Variants in SAMHD1 observed in about 807,000 individuals in gnomAD.
The protein encoded by SAMHD1 is SAM and HD domain containing deoxynucleoside triphosphate triphosphohydrolase 1.
A neutral mutation model predicts 79.6 loss-of-function variants in SAMHD1; 54 were observed. The observed-to-expected ratio is 0.68, with a 90% confidence interval of 0.55 to 0.85. The LOEUF (loss-of-function observed/expected upper bound fraction) is 0.85. Among genes scored for constraint, SAMHD1 ranks in the 40% least tolerant of loss-of-function variants. The probability of loss-of-function intolerance (pLI) is 0.00; values close to 1 mark genes in which losing one functional copy is unlikely to be tolerated. For synonymous variants in SAMHD1, 260 were observed against 264.1 expected (o/e 0.98, Z 0.15); for missense variants, 663 against 782.7 (o/e 0.85, Z 1.82).
chr20:36,915,469 G>A lies in SAMHD1; in HGVS notation c.1062+1253C>T, dbSNP rs545029384. ...AGTTATATGCAGGCCAGGTACAGTG[G>A]CTTACACCTATAATGCCAGCACTTT... On this transcript the variant is annotated intron_variant, in intron 9 of 15. Transcript: ENST00000646673. 4.6e-5 allele frequency among the ~76,000 whole-genome samples: 7 copies of A among 152,278 alleles called. No individual in the cohort carries two copies. The East Asian group carries it at 1.3e-3, about 29-fold the overall frequency.
At position 36,897,939 on chromosome 20, in the gene SAMHD1, C is replaced by T. The variant is rs1601112678; in HGVS notation, c.1629G>A (p.Glu543=). ...CTCGAATCAGCTGCTCTGCAAATTT[C>T]TCTGGCAGAAGTTGTGAAACCTTTT... ...TKNQVSQLLP[E]KFAEQLIRVY... is the part of the protein sequence containing the mutation. Residue 543 remains glutamate (E), a synonymous_variant, in exon 15 of 16, where the codon GAG becomes GAA. Coordinates refer to ENST00000646673, the MANE Select transcript of SAMHD1 (RefSeq NM_015474.4). 4 of 1,614,218 alleles carry T rather than the reference C, an allele frequency of 2.5e-6. No individual in the cohort carries two copies. Among genetic ancestry groups the T allele is most frequent in the Non-Finnish European group, 3.4e-6 (4 of 1,180,054 alleles).
intron 11 of SAMHD1, among the ~76,000 whole-genome samples, chr20:36,910,152 G>A (rs1202661157): frequency 1.3e-5 from 2 of 151,774 alleles, no homozygotes; most frequent in Admixed American, 1.3e-4. Context: ...GAACCCGGGA[G>A]GCAGAGCTTG....
intron 3 of SAMHD1, among the ~76,000 whole-genome samples, chr20:36,935,997 C>A (rs972670059): frequency 6.6e-6 from 1 of 151,956 alleles, no homozygotes; most frequent in Admixed American, 6.6e-5. Context: ...TCATGCAGGT[C>A]CGAGTGCAGG....
Position 36,946,916 on chromosome 20 carries a change from G to T in SAMHD1, c.209-112C>A, listed in dbSNP as rs751257488. On this transcript the variant is annotated intron_variant, in intron 1 of 15. Transcript: ENST00000646673. Reference sequence around the variant, plus strand: ...CCACATAAGTGAGTACCCACTGCAGGCAATGGATTGTGCCAAGTACCACTT... The same window carrying T: ...CCACATAAGTGAGTACCCACTGCAGTCAATGGATTGTGCCAAGTACCACTT... The T allele has an allele frequency of 4.0e-5, 31 of 774,046 alleles. 1 individual carries two copies. The Middle Eastern group carries it at 1.3e-3, about 34-fold the overall frequency. 47.9% of individuals were successfully genotyped at this position (774,046 alleles called of 1,614,324 possible).
At chr20:36,936,526 T>C (rs1373741942) in intron 3 of SAMHD1, among the ~76,000 whole-genome samples, 1 of 151,886 alleles carries the variant, frequency 6.6e-6, no homozygotes, top group African/African-American at 2.4e-5. Flanking sequence ...TCTTGCTATA[T>C]TGCCCAGGCT....
intron 3 of SAMHD1, chr20:36,935,548 T>A: frequency 3.2e-6 from 1 of 310,166 alleles, no homozygotes; most frequent in Non-Finnish European, 6.2e-6. Context: ...ATGTAACCCA[T>A]ATCACTATAG....
intron 15 of SAMHD1, among the ~76,000 whole-genome samples, chr20:36,895,498 AATT>A (rs1568758061): frequency 2.0e-5 from 3 of 152,018 alleles, no homozygotes; most frequent in East Asian, 1.9e-4. Flanking sequence ...AATTAATAAT[AATT>A]ATTATTATCC....
At chr20:36,945,713 C>T (rs6030348) in intron 2 of SAMHD1, among the ~76,000 whole-genome samples, 144 of 152,016 alleles carry the variant, frequency 9.5e-4, no homozygotes, top group African/African-American at 3.3e-3. Flanking sequence ...GAGTTCGAGA[C>T]CAGCCTGGCC....
chr20:36,915,031 A>G (rs899214630), intron 9 of SAMHD1, among the ~76,000 whole-genome samples: 3 of 151,898 alleles, frequency 2.0e-5, no homozygotes, highest in African/African-American at 7.3e-5. Flanking sequence ...AAAAAAGAAT[A>G]TGGTATATGA....
rs1053324143 is a variant in SAMHD1 at position 36,930,775 on chromosome 20, G to A, written c.610C>T (p.Leu204Phe). The A allele has an allele frequency of 5.6e-6, 9 of 1,612,064 alleles. No individual in the cohort carries two copies. The highest frequency in any genetic ancestry group is 7.6e-6 in the Non-Finnish European group (9 of 1,178,472). ...TACAGCTTACCGAGATCATGACAAA[G>A]TCCAGCAATCTGAACACAGAGAACA... ...RDVLCVQIAG[L>F]CHDLGHGPFS... is the part of the protein sequence containing the mutation. Residue 204 changes from leucine (L) to phenylalanine (F), a missense_variant, in exon 5 of 16, where the codon CTT (leucine) becomes TTT (phenylalanine). By Grantham distance (22) the Leu-to-Phe change is conservative (BLOSUM62 0). Coordinates refer to ENST00000646673, the MANE Select transcript of SAMHD1 (RefSeq NM_015474.4).
chr20:36,903,480 C>T (rs990603563), intron 13 of SAMHD1, among the ~76,000 whole-genome samples: 1 of 151,172 alleles, frequency 6.6e-6, no homozygotes, highest in African/African-American at 2.4e-5. Flanking sequence ...ACTTTGTGAT[C>T]GACCCGCCTC....
chr20:36,939,970 C>T (rs995922694), intron 3 of SAMHD1, among the ~76,000 whole-genome samples: 9 of 152,092 alleles, frequency 5.9e-5, no homozygotes, highest in Admixed American at 4.6e-4. Flanking sequence ...TTTGGCAGGA[C>T]GAGGTGGGTG....
chr20:36,945,531 A>T (rs575605106), intron 2 of SAMHD1, among the ~76,000 whole-genome samples: 2 of 152,282 alleles, frequency 1.3e-5, no homozygotes, highest in Admixed American at 1.3e-4. Flanking sequence ...TCTGAACTTG[A>T]GAGTAAAAAG....
rs190777284 is a variant in SAMHD1, at chr20:36,925,275, G to T, written c.696+1907C>A. ...TGCTTAAAGGAATAGATTTGGTAAT[G>T]ATTGAGAAGATCCTATTAGATCAAC... On this transcript the variant is annotated intron_variant, in intron 6 of 15. Transcript: ENST00000646673. Among the ~76,000 whole-genome samples, 287 of 152,284 alleles carry T rather than the reference G, an allele frequency of 1.9e-3. 1 individual carries two copies. Among genetic ancestry groups the T allele is most frequent in the African/African-American group, 6.4e-3 (267 of 41,568 alleles).
chr20:36,937,799 A>G (rs982450598), intron 3 of SAMHD1, among the ~76,000 whole-genome samples: 2 of 152,050 alleles, frequency 1.3e-5, no homozygotes, highest in African/African-American at 2.4e-5. Flanking sequence ...CAGTAGTTTG[A>G]AAATCTATTT....
intron 9 of SAMHD1, among the ~76,000 whole-genome samples, chr20:36,914,249 C>T (rs1261843107): frequency 2.0e-5 from 3 of 152,120 alleles, no homozygotes; most frequent in East Asian, 1.9e-4. Flanking sequence ...CCTCCTGTTC[C>T]TGAGCCTACT....
chr20:36,900,862 G>A (rs988532861), intron 13 of SAMHD1, among the ~76,000 whole-genome samples: 4 of 152,022 alleles, frequency 2.6e-5, no homozygotes, highest in East Asian at 1.9e-4. Flanking sequence ...ATGAGCCACC[G>A]TGCCCGGCCT....
rs774964432 is a variant in SAMHD1 at position 36,905,431 on chromosome 20, A to T, written c.1343T>A (p.Ile448Asn). Residue 448 changes from isoleucine to asparagine, a missense_variant, in exon 12 of 16, where the codon ATT becomes AAT. Transcript: ENST00000646673. Reference protein sequence around the residue: ...LKDAREILKQIEYRNLFKYVG... With the variant: ...LKDAREILKQNEYRNLFKYVG... ...ATACTTGAATAGATTACGGTATTCA[A>T]TTTGTTTTAAAATCTCTCGTGCGTC... The T allele has an allele frequency of 6.2e-7, 1 of 1,613,936 alleles. No individual in the cohort carries two copies. The highest frequency in any genetic ancestry group is 8.5e-7 in the Non-Finnish European group (1 of 1,179,854).
At chr20:36,946,869 A>T (rs1484251709) in intron 1 of SAMHD1, 65 bp from the exon 2 acceptor site, 1 of 1,273,410 alleles carries the variant, frequency 7.9e-7, no homozygotes, top group African/African-American at 1.5e-5. Flanking sequence ...TTCAATTTGG[A>T]TACACCAACA....
Sources: allele counts gnomAD v4.1 joint callset (sites outside exome capture counted in the v4.1 genomes callset), GRCh38; gene constraint gnomAD v4.1.1; transcripts MANE v1.5; gene names NCBI Gene and HGNC (gene_info 2026-07-23, HGNC 2026-07-21).